Variants in RTL4 observed in about 807,000 individuals in gnomAD.
RTL4 encodes the protein retrotransposon Gag-like protein 4.
In RTL4, 4 loss-of-function variants were observed where a neutral mutation model predicts 5.3. The ratio of observed to expected loss-of-function variants is 0.75; its 90% CI spans 0.37 to 1.72. The LOEUF (loss-of-function observed/expected upper bound fraction) is 1.72, where lower values mean the gene tolerates loss of function less well. Among genes scored for constraint, RTL4 ranks in the 40% most tolerant of loss-of-function variants. RTL4 has a pLI of 0.04. For missense variants in RTL4, 260 were observed against 227.1 expected, an observed-to-expected ratio of 1.14 and a Z score of -0.93; for synonymous variants, 98 against 87.3, an observed-to-expected ratio of 1.12 and a Z score of -0.68.
chrX:112,435,603 C>T, the RTL4 span, among the ~76,000 whole-genome samples: 1 of 111,515 alleles, frequency 9.0e-6, no homozygotes, highest in East Asian at 2.8e-4. Context: ...TGAATTTGAG[C>T]TCATTCTCAG....
chrX:112,272,282 A>G, the RTL4 span, among the ~76,000 whole-genome samples: 1 of 112,371 alleles, frequency 8.9e-6, no homozygotes, highest in African/African-American at 3.2e-5. Context: ...TAGGCTGGCC[A>G]TAAATGAATG....
At chrX:112,174,336 G>GT in the RTL4 span, among the ~76,000 whole-genome samples, 5 of 96,718 alleles carry the variant, frequency 5.2e-5, no homozygotes, top group African/African-American at 1.1e-4. Flanking sequence ...GCAGTGTTTG[G>GT]TTTTTTGTCC....
At chrX:112,423,719 C>T in the RTL4 span, among the ~76,000 whole-genome samples, 15 of 111,625 alleles carry the variant, frequency 1.3e-4, no homozygotes, top group African/African-American at 4.5e-4. Context: ...AAGGATGTCT[C>T]ATGAGCTTCC....
the RTL4 span, among the ~76,000 whole-genome samples, chrX:112,375,907 A>C: frequency 8.9e-6 from 1 of 111,863 alleles, no homozygotes; most frequent in Non-Finnish European, 1.9e-5. Context: ...TATTTACTAT[A>C]GGGACTTTTA....
At chrX:112,404,472 G>T in the RTL4 span, among the ~76,000 whole-genome samples, 3 of 111,593 alleles carry the variant, frequency 2.7e-5, no homozygotes, top group Non-Finnish European at 5.6e-5. Flanking sequence ...CAGAGTCTCC[G>T]TTTTTTCTCT....
the RTL4 span, among the ~76,000 whole-genome samples, chrX:112,308,947 T>G: frequency 8.9e-6 from 1 of 111,800 alleles, no homozygotes; most frequent in African/African-American, 3.2e-5. Flanking sequence ...TTGCTTCCTC[T>G]TGAGATGCAA....
chrX:112,268,221 C>G, the RTL4 span, among the ~76,000 whole-genome samples: 2 of 111,841 alleles, frequency 1.8e-5, no homozygotes, highest in Non-Finnish European at 3.8e-5. Flanking sequence ...GATCTCCTGA[C>G]TCGTTTTACA....
At chrX:112,325,711 T>G in the RTL4 span, among the ~76,000 whole-genome samples, 1 of 112,209 alleles carries the variant, frequency 8.9e-6, no homozygotes, top group African/African-American at 3.2e-5. Flanking sequence ...GAAGAAAACC[T>G]AGGCAATACC....
chrX:112,147,012 C>T, the RTL4 span, among the ~76,000 whole-genome samples: 2 of 106,912 alleles, frequency 1.9e-5, no homozygotes, highest in East Asian at 2.9e-4. Flanking sequence ...CTATTATTCT[C>T]GTTTCAGAGA....
chrX:112,198,873 C>T, the RTL4 span, among the ~76,000 whole-genome samples: 1 of 110,979 alleles, frequency 9.0e-6, no homozygotes, highest in Non-Finnish European at 1.9e-5. Context: ...AACCTCTAAG[C>T]TAAGGGGCTA....
chrX:112,242,626 A>G, the RTL4 span, among the ~76,000 whole-genome samples: 1 of 111,932 alleles, frequency 8.9e-6, no homozygotes, highest in East Asian at 2.8e-4. Flanking sequence ...TAAATATACA[A>G]TCATGATATC....
the RTL4 span, among the ~76,000 whole-genome samples, chrX:112,153,273 G>A: frequency 9.0e-6 from 1 of 111,496 alleles, no homozygotes; most frequent in Non-Finnish European, 1.9e-5. Context: ...AATCACTGAA[G>A]AAAAAATAGT....
the RTL4 span, among the ~76,000 whole-genome samples, chrX:112,202,001 T>G: frequency 1.2e-5 from 1 of 83,675 alleles, no homozygotes; most frequent in Admixed American, 1.2e-4. Flanking sequence ...GTGTGTGTGT[T>G]TACTTCTATG....
chrX:112,273,580 G>A, the RTL4 span, among the ~76,000 whole-genome samples: 1 of 111,733 alleles, frequency 8.9e-6, no homozygotes, highest in African/African-American at 3.3e-5. Flanking sequence ...CATCATGCAT[G>A]CAAAGATTTC....
the RTL4 span, among the ~76,000 whole-genome samples, chrX:112,310,416 T>TATA: frequency 1.9e-4 from 4 of 21,031 alleles, no homozygotes; most frequent in Non-Finnish European, 3.0e-4. Context: ...ATATATATAT[T>TATA]TAATATAATA....
the RTL4 span, among the ~76,000 whole-genome samples, chrX:112,105,872 T>G: frequency 8.9e-6 from 1 of 111,843 alleles, no homozygotes; most frequent in South Asian, 3.7e-4. Context: ...TCTTTTTATT[T>G]TTTAATCTTG....
the RTL4 span, among the ~76,000 whole-genome samples, chrX:112,086,646 T>A: frequency 3.6e-5 from 4 of 112,098 alleles, no homozygotes; most frequent in East Asian, 8.4e-4. Context: ...CAGGCAGGAC[T>A]GCATCAGTGT....
the RTL4 span, among the ~76,000 whole-genome samples, chrX:112,169,026 C>CTCTTTCTTTCTT: frequency 0.014 from 679 of 49,029 alleles, 22 homozygotes; most frequent in African/African-American, 0.039. Context: ...CTTTCTCTTT[C>CTCTTTCTTTCTT]TCTTTCTTTC....
the RTL4 span, among the ~76,000 whole-genome samples, chrX:112,207,839 T>C: frequency 9.1e-6 from 1 of 110,160 alleles, no homozygotes; most frequent in African/African-American, 3.3e-5. Context: ...AGCCACTGGA[T>C]TGGAGGTTTA....
Sources: allele counts gnomAD v4.1 joint callset (sites outside exome capture counted in the v4.1 genomes callset), GRCh38; gene constraint gnomAD v4.1.1; transcripts MANE v1.5; gene names NCBI Gene and HGNC (gene_info 2026-07-23, HGNC 2026-07-21).